The following MACROD2 variants were observed in gnomAD, a reference collection of about 807,000 sequenced individuals.
MACROD2 encodes ADP-ribose glycohydrolase MACROD2.
Under a neutral mutation model 70.4 loss-of-function variants are expected in MACROD2, and 36 were observed. The ratio of observed to expected loss-of-function variants is 0.51; its 90% confidence interval spans 0.39 to 0.68. The LOEUF (loss-of-function observed/expected upper bound fraction) is 0.68. Ranked by LOEUF, MACROD2 falls within the 30% of genes least tolerant of loss-of-function variation. MACROD2 has a pLI of 0.00. For synonymous variants in MACROD2, 172 were observed against 178.8 expected (o/e 0.96, Z 0.30); for missense variants, 496 against 538.4 (o/e 0.92, Z 0.78).
At chr20:15,710,001 C>CT (rs2050600456) in intron 8 of MACROD2, among the ~76,000 whole-genome samples, 1 of 152,028 alleles carries the variant, frequency 6.6e-6, no homozygotes, top group African/African-American at 2.4e-5. Context: ...ATAAGGTCAA[C>CT]TTTTTTAGCT....
At chr20:14,318,951 T>G (rs2082635982) in intron 3 of MACROD2, among the ~76,000 whole-genome samples, 1 of 152,328 alleles carries the variant, frequency 6.6e-6, no homozygotes, top group East Asian at 1.9e-4. Context: ...TGACCTTTCC[T>G]GTTTCCTCCA....
At chr20:14,160,740 T>A (rs2055174257) in intron 3 of MACROD2, among the ~76,000 whole-genome samples, 1 of 152,114 alleles carries the variant, frequency 6.6e-6, no homozygotes, top group African/African-American at 2.4e-5. Context: ...ATTTTTATTA[T>A]TTTTTCTTCT....
intron 3 of MACROD2, among the ~76,000 whole-genome samples, chr20:14,132,789 C>A (rs1351562549): frequency 2.6e-5 from 4 of 152,148 alleles, no homozygotes; most frequent in South Asian, 2.1e-4. Flanking sequence ...CAAAAACATG[C>A]CACTGTGCCT....
chr20:14,818,808 T>C (rs2072803630), intron 5 of MACROD2, among the ~76,000 whole-genome samples: 1 of 151,240 alleles, frequency 6.6e-6, no homozygotes, highest in Admixed American at 6.6e-5. Context: ...GAGATTGTTT[T>C]TGTTTCTCTT....
At chr20:14,487,010 C>T (rs1389125982) in intron 3 of MACROD2, among the ~76,000 whole-genome samples, 1 of 152,148 alleles carries the variant, frequency 6.6e-6, no homozygotes, top group African/African-American at 2.4e-5. Context: ...TACATAAGTC[C>T]TAAGTTCTTC....
At chr20:15,775,928 C>T (rs925097855) in intron 8 of MACROD2, among the ~76,000 whole-genome samples, 6 of 152,084 alleles carry the variant, frequency 3.9e-5, no homozygotes, top group Non-Finnish European at 5.9e-5. Context: ...TGGAAAAGTA[C>T]CCATGAATCA....
intron 3 of MACROD2, among the ~76,000 whole-genome samples, chr20:14,396,578 T>G (rs1369914270): frequency 6.6e-6 from 1 of 152,200 alleles, no homozygotes; most frequent in Non-Finnish European, 1.5e-5. Flanking sequence ...TTTTTGTGTC[T>G]TTACATTAAA....
intron 6 of MACROD2, among the ~76,000 whole-genome samples, chr20:15,375,412 G>A (rs2045549037): frequency 6.6e-6 from 1 of 152,076 alleles, no homozygotes; most frequent in African/African-American, 2.4e-5. Flanking sequence ...GAAAGACTCA[G>A]GTGCTGTAAT....
intron 5 of MACROD2, among the ~76,000 whole-genome samples, chr20:14,959,675 A>AGTT (rs2074566846): frequency 6.6e-6 from 1 of 152,176 alleles, no homozygotes; most frequent in Non-Finnish European, 1.5e-5. Flanking sequence ...TGCCCCCTGG[A>AGTT]GTTGTACAAC....
At chr20:15,248,584 AAG>A (rs1402525240) in intron 6 of MACROD2, among the ~76,000 whole-genome samples, 2 of 152,136 alleles carry the variant, frequency 1.3e-5, no homozygotes, top group Non-Finnish European at 2.9e-5. Context: ...TGGCTCGGCT[AAG>A]ACCTCTGTCT....
intron 4 of MACROD2, among the ~76,000 whole-genome samples, chr20:14,651,158 T>A (rs1985657739): frequency 6.6e-6 from 1 of 152,234 alleles, no homozygotes; most frequent in South Asian, 2.1e-4. Context: ...TTACTCATTA[T>A]GCACTGTGAA....
chr20:14,536,074 T>G (rs957368121), intron 4 of MACROD2, among the ~76,000 whole-genome samples: 2 of 152,164 alleles, frequency 1.3e-5, no homozygotes, highest in African/African-American at 4.8e-5. Flanking sequence ...CTCTTAGAAG[T>G]AAAATCATTT....
chr20:14,625,671 C>T (rs1480671187), intron 4 of MACROD2, among the ~76,000 whole-genome samples: 2 of 152,196 alleles, frequency 1.3e-5, no homozygotes, highest in Non-Finnish European at 2.9e-5. Flanking sequence ...CAGAGACCAA[C>T]ACTGAGCCTC....
chr20:14,034,914 TTTTA>T (rs2053289488), intron 2 of MACROD2, among the ~76,000 whole-genome samples: 2 of 152,240 alleles, frequency 1.3e-5, no homozygotes. Flanking sequence ...TATGTATACA[TTTTA>T]TACACAGTTT....
At chr20:15,970,931 A>G (rs927303597) in intron 13 of MACROD2, among the ~76,000 whole-genome samples, 29 of 152,210 alleles carry the variant, frequency 1.9e-4, no homozygotes, top group African/African-American at 6.3e-4. Context: ...CCTCCCCAGT[A>G]GAGCTTAAAA....
rs867250578 is a variant in MACROD2 at position 14,192,818 on chromosome 20, G to A, written c.271+107090G>A. On this transcript the variant is annotated intron_variant, in intron 3 of 17. Coordinates refer to ENST00000684519, the MANE Select transcript of MACROD2 (RefSeq NM_001351661.2). ...TACTGGACTGGGAACTTGTGATGGT[G>A]CTGTACCCTTTAGGATTTTTGCTTC... 2.7e-4 allele frequency among the ~76,000 whole-genome samples: 41 copies of A among 152,308 alleles called. 1 individual carries two copies. The Middle Eastern group carries it at 0.027, about 101-fold the overall frequency.
intron 5 of MACROD2, among the ~76,000 whole-genome samples, chr20:14,992,414 C>T (rs2074912897): frequency 6.6e-6 from 1 of 152,128 alleles, no homozygotes; most frequent in Non-Finnish European, 1.5e-5. Flanking sequence ...TTGTCTAACA[C>T]AAAAACTCAG....
At chr20:15,330,555 C>CA (rs1247816460) in intron 6 of MACROD2, among the ~76,000 whole-genome samples, 2 of 151,226 alleles carry the variant, frequency 1.3e-5, no homozygotes, top group Admixed American at 6.6e-5. Flanking sequence ...TCCAGAGCAA[C>CA]AAAAAATGTA....
At chr20:14,127,819 A>G (rs2054671465) in intron 3 of MACROD2, 1 of 462,638 alleles carries the variant, frequency 2.2e-6, no homozygotes, top group Non-Finnish European at 4.3e-6. Context: ...GGAGAGAAGG[A>G]GAAAAAACAG....
Sources: allele counts gnomAD v4.1 joint callset (sites outside exome capture counted in the v4.1 genomes callset), GRCh38; gene constraint gnomAD v4.1.1; transcripts MANE v1.5; gene names NCBI Gene and HGNC (gene_info 2026-07-23, HGNC 2026-07-21).